Variants in PCDH15 observed in about 807,000 individuals in gnomAD.
PCDH15 encodes protocadherin related 15.
In PCDH15, 129 loss-of-function variants were observed where a neutral mutation model predicts 178.5. The observed-to-expected ratio is 0.72, with a 90% confidence interval of 0.63 to 0.84. The LOEUF (loss-of-function observed/expected upper bound fraction) is 0.84, where lower values mean the gene tolerates loss of function less well. Among genes scored for constraint, PCDH15 ranks in the 40% least tolerant of loss-of-function variants. PCDH15 has a pLI of 0.00. For missense variants in PCDH15, 2,230 were observed against 2,099.9 expected (o/e 1.06, Z -1.21); for synonymous variants, 800 against 732.0 (o/e 1.09, Z -1.50).
intron 37 of PCDH15, chr10:53,808,596 T>G: frequency 6.8e-7 from 1 of 1,477,760 alleles, no homozygotes; most frequent in Non-Finnish European, 9.0e-7. Flanking sequence ...TCTTGATCAA[T>G]TTCCTCCCTT....
chr10:55,221,240 G>T (rs1466485496), intron 1 of PCDH15, among the ~76,000 whole-genome samples: 1 of 152,112 alleles, frequency 6.6e-6, no homozygotes, highest in African/African-American at 2.4e-5. Flanking sequence ...TCAGAATGTG[G>T]TTGTCTCTGG....
At chr10:53,961,424 G>A (rs904858603) in intron 22 of PCDH15, among the ~76,000 whole-genome samples, 1 of 151,760 alleles carries the variant, frequency 6.6e-6, no homozygotes, top group African/African-American at 2.4e-5. Context: ...GTCACTTATT[G>A]GCATAGACAA....
intron 2 of PCDH15, among the ~76,000 whole-genome samples, chr10:55,042,580 T>C (rs1242155849): frequency 1.3e-5 from 2 of 152,182 alleles, no homozygotes; most frequent in African/African-American, 4.8e-5. Flanking sequence ...TGTCAAATTA[T>C]TCCACTCTGT....
At position 54,174,927 on chromosome 10, in the gene PCDH15, G is replaced by A. The variant is rs191331005; in HGVS notation, c.1590+8517C>T. On this transcript the variant is annotated intron_variant, in intron 13 of 37. Coordinates refer to ENST00000644397, the MANE Select transcript of PCDH15 (RefSeq NM_001384140.1). Reference sequence around the variant, plus strand: ...AGTCCTAAGCATGAGTGAATAACCTGTATAAGTTCAGAATTACATGTTGGT... The same window carrying A: ...AGTCCTAAGCATGAGTGAATAACCTATATAAGTTCAGAATTACATGTTGGT... Among the ~76,000 whole-genome samples, 296 of 151,916 alleles carry A rather than the reference G, an allele frequency of 1.9e-3. 2 individuals are homozygous for A. The highest frequency in any genetic ancestry group is 3.6e-3 in the Admixed American group (55 of 15,254).
chr10:55,073,786 TG>T (rs1241038821), intron 2 of PCDH15, among the ~76,000 whole-genome samples: 7 of 152,054 alleles, frequency 4.6e-5, no homozygotes, highest in Admixed American at 4.6e-4. Flanking sequence ...TAGGCTTTTT[TG>T]GGGGGGAGAA....
intron 2 of PCDH15, among the ~76,000 whole-genome samples, chr10:55,011,450 T>C (rs889034843): frequency 1.3e-5 from 2 of 152,108 alleles, no homozygotes; most frequent in African/African-American, 4.8e-5. Context: ...TATGGAGTCT[T>C]TTCTTAAACG....
At chr10:54,322,759 T>C (rs2061692751) in intron 7 of PCDH15, among the ~76,000 whole-genome samples, 1 of 152,024 alleles carries the variant, frequency 6.6e-6, no homozygotes. Flanking sequence ...GCTATAAAAA[T>C]CCTAGAGGAA....
intron 26 of PCDH15, among the ~76,000 whole-genome samples, chr10:53,867,514 G>C (rs2079541686): frequency 6.6e-6 from 1 of 152,028 alleles, no homozygotes; most frequent in African/African-American, 2.4e-5. Flanking sequence ...ATTATTATTT[G>C]TCAATTTTAA....
intron 10 of PCDH15, among the ~76,000 whole-genome samples, chr10:54,201,168 C>G (rs1005806660): frequency 2.0e-5 from 3 of 152,096 alleles, no homozygotes; most frequent in Non-Finnish European, 4.4e-5. Context: ...GTGAAAACCA[C>G]TTTTTTGAAA....
At chr10:55,388,132 G>A (rs1837706210) in intron 2 of PCDH15, among the ~76,000 whole-genome samples, 1 of 151,960 alleles carries the variant, frequency 6.6e-6, no homozygotes, top group African/African-American at 2.4e-5. Context: ...CTCTTCCTAT[G>A]TTCTGTAGCT....
chr10:54,659,154 A>C (rs1365619599), intron 2 of PCDH15, among the ~76,000 whole-genome samples: 1 of 152,198 alleles, frequency 6.6e-6, no homozygotes, highest in African/African-American at 2.4e-5. Flanking sequence ...TCATACAATA[A>C]CAGCTGAAGT....
chr10:54,359,700 G>A (rs1239236510), intron 5 of PCDH15, among the ~76,000 whole-genome samples: 1 of 151,940 alleles, frequency 6.6e-6, no homozygotes, highest in Non-Finnish European at 1.5e-5. Flanking sequence ...TAAACAGAGA[G>A]GAAGAGATAG....
At chr10:55,587,108 CT>C (rs1262726302) in intron 2 of PCDH15, among the ~76,000 whole-genome samples, 1 of 151,850 alleles carries the variant, frequency 6.6e-6, no homozygotes, top group Non-Finnish European at 1.5e-5. Flanking sequence ...ATATATGTAC[CT>C]TTTTTGTATT....
chr10:54,974,259 A>C (rs569924666), intron 2 of PCDH15, among the ~76,000 whole-genome samples: 1 of 152,136 alleles, frequency 6.6e-6, no homozygotes, highest in Admixed American at 6.6e-5. Flanking sequence ...ACAACTGAGC[A>C]TACTATCCTC....
chr10:54,430,071 TTA>T (rs1307220597), intron 3 of PCDH15, among the ~76,000 whole-genome samples: 9 of 130,222 alleles, frequency 6.9e-5, no homozygotes, highest in Admixed American at 4.4e-4. Context: ...TTTTTTTTTT[TTA>T]AAGACAGAGC....
rs1342288471 is a variant in PCDH15 at position 54,605,213 on chromosome 10, A to G, written c.91+58959T>C. Among the ~76,000 whole-genome samples the G allele has an allele frequency of 3.3e-5, 5 of 151,996 alleles. No homozygotes were observed. The South Asian group carries it at 8.3e-4, about 25-fold the overall frequency. ...AATATAGTATTTTTTATTTGCCTCT[A>G]TAAATTTACCATTACCGATGAGTTT... On this transcript the variant is annotated intron_variant, in intron 2 of 37. Transcript: ENST00000644397.
chr10:55,385,789 C>A (rs1310227350), intron 2 of PCDH15, among the ~76,000 whole-genome samples: 4 of 142,906 alleles, frequency 2.8e-5, no homozygotes, highest in Non-Finnish European at 4.5e-5. Context: ...ATATGCATAT[C>A]TCTGTATATA....
intron 1 of PCDH15, among the ~76,000 whole-genome samples, chr10:54,675,460 G>GTTT (rs34250846): frequency 1.7e-5 from 2 of 118,200 alleles, no homozygotes; most frequent in African/African-American, 3.1e-5. Flanking sequence ...TTTTCATGTT[G>GTTT]TTTTTTTTTT....
At chr10:54,180,242 T>C (rs1273632653) in intron 13 of PCDH15, among the ~76,000 whole-genome samples, 3 of 152,150 alleles carry the variant, frequency 2.0e-5, no homozygotes, top group Admixed American at 2.0e-4. Context: ...AAAAATCAAG[T>C]GTAAGAGACA....
Sources: allele counts gnomAD v4.1 joint callset (sites outside exome capture counted in the v4.1 genomes callset), GRCh38; gene constraint gnomAD v4.1.1; transcripts MANE v1.5; gene names NCBI Gene and HGNC (gene_info 2026-07-23, HGNC 2026-07-21).